The following JAZF1 variants were observed in gnomAD, a reference collection of about 807,000 sequenced individuals.
JAZF1 encodes the protein juxtaposed with another zinc finger protein 1.
A neutral mutation model predicts 26.4 loss-of-function variants in JAZF1; 8 were observed. The ratio of observed to expected loss-of-function variants is 0.30; its 90% CI spans 0.18 to 0.55. The LOEUF is 0.55. Ranked by LOEUF, JAZF1 falls within the 20% of genes least tolerant of loss-of-function variation. JAZF1 has a pLI of 0.94. For missense variants in JAZF1, 199 were observed against 322.0 expected (o/e 0.62, Z 2.92); for synonymous variants, 126 against 122.3 (o/e 1.03, Z -0.20).
intron 2 of JAZF1, among the ~76,000 whole-genome samples, chr7:27,980,346 T>A (rs1411477143): frequency 6.6e-6 from 1 of 152,228 alleles, no homozygotes; most frequent in African/African-American, 2.4e-5. Flanking sequence ...CATTAAGTCA[T>A]TAAAAAGCCC....
chr7:28,050,720 A>G (rs2128379852), intron 1 of JAZF1, among the ~76,000 whole-genome samples: 1 of 152,300 alleles, frequency 6.6e-6, no homozygotes, highest in South Asian at 2.1e-4. Context: ...TTATTGTTGG[A>G]TTAAAAAAAA....
At chr7:28,105,993 A>G (rs1784544937) in intron 1 of JAZF1, among the ~76,000 whole-genome samples, 1 of 152,212 alleles carries the variant, frequency 6.6e-6, no homozygotes, top group Non-Finnish European at 1.5e-5. Flanking sequence ...AAACTGTTTT[A>G]AGGATGACAC....
intron 3 of JAZF1, among the ~76,000 whole-genome samples, chr7:27,872,200 C>A (rs1783594705): frequency 6.6e-6 from 1 of 152,128 alleles, no homozygotes; most frequent in Admixed American, 6.5e-5. Context: ...AGTCACACAG[C>A]CTTGGCTGTA....
chr7:28,151,467 GT>G (rs1783111108), intron 1 of JAZF1, among the ~76,000 whole-genome samples: 1 of 151,544 alleles, frequency 6.6e-6, no homozygotes, highest in Non-Finnish European at 1.5e-5. Context: ...TTATTTTCAT[GT>G]TTTCCTTTAT....
At chr7:27,871,941 G>A (rs751050836) in intron 3 of JAZF1, among the ~76,000 whole-genome samples, 1 of 152,200 alleles carries the variant, frequency 6.6e-6, no homozygotes, top group East Asian at 1.9e-4. Flanking sequence ...CATGTGCTCC[G>A]TTCAGCGGGG....
chr7:28,090,859 A>G (rs1481554815), intron 1 of JAZF1, among the ~76,000 whole-genome samples: 1 of 122,510 alleles, frequency 8.2e-6, no homozygotes, highest in African/African-American at 3.2e-5. Context: ...TCGCTCTGTC[A>G]CCCAGGCCGG....
chr7:27,963,460 G>A (rs1785217197), intron 2 of JAZF1, among the ~76,000 whole-genome samples: 1 of 152,134 alleles, frequency 6.6e-6, no homozygotes. Context: ...GGTAAATTGG[G>A]GGTAGCTGTC....
intron 3 of JAZF1, among the ~76,000 whole-genome samples, chr7:27,873,859 C>T (rs563087911): frequency 2.6e-4 from 39 of 152,292 alleles, no homozygotes; most frequent in African/African-American, 9.1e-4. Context: ...TTTCCTGACT[C>T]CACTCTGATA....
chr7:27,929,947 T>C (rs1784659108), intron 2 of JAZF1, among the ~76,000 whole-genome samples: 1 of 151,538 alleles, frequency 6.6e-6, no homozygotes, highest in Non-Finnish European at 1.5e-5. Context: ...TCTCTCTCTC[T>C]CTCTCTCTCT....
At chr7:28,103,886 T>A (rs1178443139) in intron 1 of JAZF1, among the ~76,000 whole-genome samples, 1 of 152,174 alleles carries the variant, frequency 6.6e-6, no homozygotes, top group East Asian at 1.9e-4. Context: ...CACCCATTCA[T>A]CCATCCTGTC....
chr7:27,887,643 T>C (rs1163166963), intron 3 of JAZF1, among the ~76,000 whole-genome samples: 4 of 152,172 alleles, frequency 2.6e-5, no homozygotes, highest in Non-Finnish European at 4.4e-5. Context: ...CTCGAACTCC[T>C]GACCTCAGGG....
rs1424290392 is a variant in JAZF1 at position 28,114,598 on chromosome 7, T to C, written c.115+65865A>G. On this transcript the variant is annotated intron_variant, in intron 1 of 4. Coordinates refer to ENST00000283928, the MANE Select transcript of JAZF1 (RefSeq NM_175061.4). ...AAATACAACCAACTTCTTTTTAGGT[T>C]TTTTTTTTTTTCTTTCTACTTTTAG... 6.5e-5 allele frequency among the ~76,000 whole-genome samples: 4 copies of C among 61,304 alleles called. No individual in the cohort carries two copies. The African/African-American group carries it at 1.0e-3, about 16-fold the overall frequency. The allele number at this position is 61,304 out of a possible 152,430, so 40.2% of individuals were successfully genotyped here.
intron 2 of JAZF1, among the ~76,000 whole-genome samples, chr7:27,923,848 G>A (rs1306611446): frequency 1.3e-5 from 2 of 152,228 alleles, no homozygotes; most frequent in African/African-American, 4.8e-5. Flanking sequence ...CTATGAGACT[G>A]AGGGAGATGT....
intron 2 of JAZF1, among the ~76,000 whole-genome samples, chr7:27,912,598 T>C (rs988419598): frequency 6.6e-6 from 1 of 152,130 alleles, no homozygotes; most frequent in Non-Finnish European, 1.5e-5. Flanking sequence ...AGAAAGGTTA[T>C]TAGAATGGGC....
chr7:27,963,893 T>C (rs77954654), intron 2 of JAZF1, among the ~76,000 whole-genome samples: 3,026 of 152,218 alleles, frequency 0.02, 49 homozygotes, highest in Non-Finnish European at 0.031. Context: ...TAAACTGAAG[T>C]AGATTGAAGA....
intron 1 of JAZF1, among the ~76,000 whole-genome samples, chr7:28,118,496 G>A (rs578196454): frequency 3.8e-4 from 58 of 152,122 alleles, no homozygotes; most frequent in African/African-American, 1.3e-3. Flanking sequence ...GTGAGACTCT[G>A]TCTCAAAAGA....
At chr7:27,852,635 A>G (rs1783171896) in intron 3 of JAZF1, among the ~76,000 whole-genome samples, 1 of 152,106 alleles carries the variant, frequency 6.6e-6, no homozygotes, top group Admixed American at 6.5e-5. Context: ...TACTTTTTCT[A>G]GAACTGTGGG....
At chr7:28,121,241 A>G (rs1782599135) in intron 1 of JAZF1, among the ~76,000 whole-genome samples, 1 of 151,536 alleles carries the variant, frequency 6.6e-6, no homozygotes, top group East Asian at 1.9e-4. Flanking sequence ...TTATTGTGCC[A>G]TATCAATGCT....
intron 1 of JAZF1, among the ~76,000 whole-genome samples, chr7:28,001,805 G>A (rs1050767861): frequency 1.3e-5 from 2 of 152,030 alleles, no homozygotes; most frequent in Non-Finnish European, 2.9e-5. Flanking sequence ...GTGGTGGCAG[G>A]GAGGACTGGG....
Sources: allele counts gnomAD v4.1 joint callset (sites outside exome capture counted in the v4.1 genomes callset), GRCh38; gene constraint gnomAD v4.1.1; transcripts MANE v1.5; gene names NCBI Gene and HGNC (gene_info 2026-07-23, HGNC 2026-07-21).